Variants in PPP4R3B observed in about 807,000 individuals in gnomAD.
The protein encoded by PPP4R3B is protein phosphatase 4 regulatory subunit 3B, also known as serine/threonine-protein phosphatase 4 regulatory subunit 3B.
A neutral mutation model predicts 95.4 loss-of-function variants in PPP4R3B; 52 were observed. The observed-to-expected ratio is 0.54, with a 90% CI of 0.44 to 0.69. The LOEUF is 0.69. Ranked by LOEUF, PPP4R3B falls within the 30% of genes least tolerant of loss-of-function variation. The pLI is 0.00. For synonymous variants in PPP4R3B, 407 were observed against 343.9 expected (o/e 1.18, Z -2.03); for missense variants, 1,003 against 1,005.9 (o/e 1.00, Z 0.04).
chr2:55,616,419 G>A (rs1694935267), intron 1 of PPP4R3B: 1 of 152,190 alleles, frequency 6.6e-6, no homozygotes, highest in African/African-American at 2.4e-5. Context: ...ATCAAGTCCA[G>A]ATTATACTAT....
At chr2:55,578,363 T>TAAAAAA (rs1229288088) in intron 9 of PPP4R3B, 21 bp from the exon 10 acceptor site, 2 of 1,344,276 alleles carry the variant, frequency 1.5e-6, no homozygotes, top group Non-Finnish European at 1.9e-6. Flanking sequence ...ATATGGCAAG[T>TAAAAAA]TAGTTTTGAT....
In PPP4R3B at chr2:55,615,124, T is replaced by C. The variant is rs746926518; in HGVS notation, c.198+327A>G. ...TGCTTTAAGAGTATCCCTTTGAATTTTGTTCTATGTCATTTCCTTTAAACG... is the reference window on the plus strand; with the variant it reads ...TGCTTTAAGAGTATCCCTTTGAATTCTGTTCTATGTCATTTCCTTTAAACG... On this transcript the variant is annotated intron_variant, in intron 2 of 16. Coordinates refer to ENST00000616407, the MANE Select transcript of PPP4R3B (RefSeq NM_001122964.3). 7 of 201,160 alleles carry C rather than the reference T, an allele frequency of 3.5e-5. No homozygotes were observed. In the South Asian group the frequency reaches 3.5e-4, roughly 10 times the overall value. The allele number at this position is 201,160 out of a possible 1,614,324, so 12.5% of individuals were successfully genotyped here. A position where few individuals can be genotyped will look rare whatever the true frequency, so the allele number is the denominator to read the frequency against.
intron 1 of PPP4R3B, among the ~76,000 whole-genome samples, chr2:55,615,823 A>T (rs1333551506): frequency 7.3e-6 from 1 of 136,612 alleles, no homozygotes; most frequent in Non-Finnish European, 1.5e-5. Context: ...GCGCCATTGA[A>T]CTCCAGCCTG....
rs1689974887 is a variant in PPP4R3B, at chr2:55,585,147, G to C, written c.1137C>G (p.Val379=). ...AAAATATATCTGTAGCAGCTGATCT[G>C]ACTTGCAAATCATCCATGCCCTGAT... ...EIVMGMDDLQ[V]RSAATDIFSY... Residue 379 remains valine, a synonymous_variant, in exon 7 of 17, where the codon GTC becomes GTG. Coordinates refer to ENST00000616407, the MANE Select transcript of PPP4R3B (RefSeq NM_001122964.3). 6.2e-7 allele frequency: 1 copy of C among 1,608,678 alleles called. No individual in the cohort carries two copies. Among genetic ancestry groups the C allele is most frequent in the Non-Finnish European group, 8.5e-7 (1 of 1,177,990 alleles).
At chr2:55,607,837 T>C (rs558146970) in intron 2 of PPP4R3B, among the ~76,000 whole-genome samples, 16 of 152,344 alleles carry the variant, frequency 1.1e-4, no homozygotes, top group African/African-American at 3.4e-4. Context: ...GTCAGGTCAA[T>C]GGATATTACT....
In PPP4R3B at chr2:55,617,296, G is replaced by A. The variant is rs750789980; in HGVS notation, c.-11C>T. 1 of 1,585,364 alleles carries A rather than the reference G, an allele frequency of 6.3e-7. No homozygotes were observed. The highest frequency in any genetic ancestry group is 2.3e-5 in the East Asian group (1 of 43,814). The stretch of plus-strand genomic sequence containing the variant: ...CCGCGTATCCGACATGGTGGCTGCT[G>A]TCTCCACCGCTCTAGCCGCCGCCTC... On this transcript the variant is annotated 5_prime_UTR_variant, in exon 1 of 17. Transcript: ENST00000616407.
At chr2:55,555,500 G>A (rs1221201401) in intron 16 of PPP4R3B, among the ~76,000 whole-genome samples, 1 of 151,892 alleles carries the variant, frequency 6.6e-6, no homozygotes, top group Non-Finnish European at 1.5e-5. Flanking sequence ...AATCACTTAA[G>A]ATCAGGAGTT....
At chr2:55,605,927 A>T (rs1362491801) in intron 2 of PPP4R3B, among the ~76,000 whole-genome samples, 1 of 151,770 alleles carries the variant, frequency 6.6e-6, no homozygotes, top group East Asian at 1.9e-4. Context: ...AAAAAAAAGA[A>T]ATCCTTCAGT....
intron 16 of PPP4R3B, among the ~76,000 whole-genome samples, chr2:55,550,820 ACCAGAATGT>A (rs1685163928): frequency 6.6e-6 from 1 of 152,174 alleles, no homozygotes; most frequent in East Asian, 1.9e-4. Flanking sequence ...ATCGGGTTTT[ACCAGAATGT>A]AACCAAATCA....
At chr2:55,565,444 TAA>T (rs1558958726) in intron 13 of PPP4R3B, among the ~76,000 whole-genome samples, 1 of 151,994 alleles carries the variant, frequency 6.6e-6, no homozygotes, top group Admixed American at 6.6e-5. Context: ...ATTGAGGCTC[TAA>T]GAGAGGCTGG....
chr2:55,548,540 A>C lies in PPP4R3B; in HGVS notation c.*1371T>G, dbSNP rs1321728807. ...TACTTCATATCTACACAGACAGCTC[A>C]TCTTTTCCAAACAATAGCCAAAATT... On this transcript the variant is annotated 3_prime_UTR_variant, in exon 17 of 17. Transcript: ENST00000616407. 6.6e-6 allele frequency: 1 copy of C among 152,646 alleles called. No homozygotes were observed. Among genetic ancestry groups the C allele is most frequent in the Non-Finnish European group, 1.5e-5 (1 of 68,042 alleles). 9.5% of individuals were successfully genotyped at this position (152,646 alleles called of 1,614,324 possible).
At chr2:55,573,841 G>T in intron 11 of PPP4R3B, 64 bp from the exon 12 acceptor site, 18 of 887,930 alleles carry the variant, frequency 2.0e-5, no homozygotes, top group South Asian at 6.5e-5. Flanking sequence ...AATAAATAAA[G>T]CTTACATCCT....
At chr2:55,581,914 GAA>G (rs1388145387) in intron 7 of PPP4R3B, among the ~76,000 whole-genome samples, 17 of 137,534 alleles carry the variant, frequency 1.2e-4, no homozygotes, top group East Asian at 2.0e-4. Context: ...AAAAAAAAAA[GAA>G]GAAGGAGGAA....
chr2:55,570,263 T>A (rs1487257305), intron 12 of PPP4R3B, among the ~76,000 whole-genome samples: 1 of 152,148 alleles, frequency 6.6e-6, no homozygotes, highest in Non-Finnish European at 1.5e-5. Flanking sequence ...AAACAAACAA[T>A]TTGTGAACCA....
chr2:55,593,022 G>T (rs1008137054), intron 4 of PPP4R3B, among the ~76,000 whole-genome samples: 5 of 152,186 alleles, frequency 3.3e-5, no homozygotes, highest in African/African-American at 1.2e-4. Context: ...AGCCAGGCAT[G>T]GTGGCTGCTG....
intron 16 of PPP4R3B, among the ~76,000 whole-genome samples, chr2:55,553,561 A>G (rs891562499): frequency 6.6e-6 from 1 of 151,882 alleles, no homozygotes; most frequent in African/African-American, 2.4e-5. Flanking sequence ...CATTTCCACC[A>G]TTTCACCCAC....
At chr2:55,616,219 C>T (rs1694903359) in intron 1 of PPP4R3B, among the ~76,000 whole-genome samples, 1 of 151,950 alleles carries the variant, frequency 6.6e-6, no homozygotes, top group African/African-American at 2.4e-5. Flanking sequence ...AAAACAAAAA[C>T]ATCATGACAG....
intron 1 of PPP4R3B, among the ~76,000 whole-genome samples, chr2:55,615,879 A>AAAAAAAAAAAC (rs1694846621): frequency 6.8e-6 from 1 of 146,836 alleles, no homozygotes; most frequent in African/African-American, 2.6e-5. Context: ...AAAAAAAAAA[A>AAAAAAAAAAAC]AAATACACAT....
chr2:55,581,632 C>T lies in PPP4R3B; in HGVS notation c.1300G>A (p.Ala434Thr), dbSNP rs774588255. The T allele has an allele frequency of 4.3e-6, 7 of 1,613,480 alleles. No homozygotes were observed. Among genetic ancestry groups the T allele is most frequent in the South Asian group, 1.1e-5 (1 of 91,046 alleles). Reference sequence around the variant, plus strand: ...CGAAGAAGTCCCATTAACTGAACAGCGCCTCCTAGCTCAGGATCAGTATCA... The same window carrying T: ...CGAAGAAGTCCCATTAACTGAACAGTGCCTCCTAGCTCAGGATCAGTATCA... Reference protein sequence around the residue: ...ICDTDPELGGAVQLMGLLRTL... With the variant: ...ICDTDPELGGTVQLMGLLRTL... The change falls in exon 8 of 17, where the codon GCT becomes ACT. Residue 434 changes from alanine to threonine, a missense_variant. This residue lies in a region of PPP4R3B where 695 missense variants were observed against 686.2 expected (regional missense o/e 1.01). Coordinates refer to ENST00000616407, the MANE Select transcript of PPP4R3B (RefSeq NM_001122964.3).
Sources: allele counts gnomAD v4.1 joint callset (sites outside exome capture counted in the v4.1 genomes callset), GRCh38; gene constraint gnomAD v4.1.1; regional missense constraint gnomAD v4.1.1; transcripts MANE v1.5; gene names NCBI Gene and HGNC (gene_info 2026-07-23, HGNC 2026-07-21).